The following TIGAR variants were observed in gnomAD, a reference collection of about 807,000 sequenced individuals.
The protein encoded by TIGAR is fructose-2,6-bisphosphatase TIGAR.
A neutral mutation model predicts 17.9 loss-of-function variants in TIGAR; 7 were observed. The ratio of observed to expected loss-of-function variants is 0.39; its 90% CI spans 0.22 to 0.73. The LOEUF (loss-of-function observed/expected upper bound fraction) is 0.73. TIGAR is among the 30% of genes least tolerant of loss of function. The probability of loss-of-function intolerance (pLI) is 0.42; values close to 1 mark genes in which losing one functional copy is unlikely to be tolerated. For synonymous variants in TIGAR, 94 were observed against 108.6 expected, an observed-to-expected ratio of 0.87 and a Z score of 0.84; for missense variants, 258 against 327.4, an observed-to-expected ratio of 0.79 and a Z score of 1.64.
In TIGAR at chr12:4,355,694, C is replaced by G. The variant is rs923519207; in HGVS notation, c.*3003C>G. On this transcript the variant is annotated 3_prime_UTR_variant, in exon 6 of 6. Coordinates refer to ENST00000179259, the MANE Select transcript of TIGAR (RefSeq NM_020375.3). ...CATGAACCAAAACAAAGTCTCTGTC[C>G]TTGTGGAACATTTGTTCTGTCAGAG... Among the ~76,000 whole-genome samples the G allele has an allele frequency of 1.3e-5, 2 of 152,230 alleles. No homozygotes were observed. The highest frequency in any genetic ancestry group is 2.1e-4 in the South Asian group (1 of 4,834).
chr12:4,350,708 C>T (rs566079321), intron 4 of TIGAR, among the ~76,000 whole-genome samples: 61 of 149,622 alleles, frequency 4.1e-4, no homozygotes, highest in East Asian at 1.8e-3. Flanking sequence ...ACCCAGGAGG[C>T]GGAGGTTGCA....
chr12:4,330,861 C>G (rs952258165), intron 1 of TIGAR, among the ~76,000 whole-genome samples: 1 of 152,232 alleles, frequency 6.6e-6, no homozygotes, highest in Non-Finnish European at 1.5e-5. Flanking sequence ...CCATTCCATT[C>G]AGATTCTCTT....
chr12:4,332,493 C>T (rs1010122818), intron 2 of TIGAR, among the ~76,000 whole-genome samples: 2 of 152,168 alleles, frequency 1.3e-5, no homozygotes, highest in African/African-American at 2.4e-5. Flanking sequence ...ATATGCCTGC[C>T]TTAGCATCCC....
chr12:4,352,323 C>T lies in TIGAR; in HGVS notation c.445C>T (p.Gln149Ter). The change falls in exon 6 of 6, where the codon CAA becomes TAA. Residue 149 changes from glutamine (Q) to a stop codon, truncating the protein, a stop_gained. Transcript: ENST00000179259. LOFTEE classifies it low-confidence loss of function (END_TRUNC). ...LCQLILKEADQKEQFSQGSPS... is the reference protein window; with the variant it reads ...LCQLILKEAD ...TCAACTAATCCTGAAAGAAGCGGAT[C>T]AAAAAGAACAGTTTTCCCAAGGATC... The T allele has an allele frequency of 6.2e-7, 1 of 1,613,984 alleles. No homozygotes were observed. The highest frequency in any genetic ancestry group is 1.6e-4 in the Middle Eastern group (1 of 6,062).
intron 3 of TIGAR, among the ~76,000 whole-genome samples, chr12:4,339,442 T>A (rs1864696065): frequency 6.6e-6 from 1 of 152,222 alleles, no homozygotes; most frequent in Non-Finnish European, 1.5e-5. Flanking sequence ...TGGGACCTGA[T>A]GGCTTCACTG....
chr12:4,325,349 C>G (rs1864533872), intron 1 of TIGAR, among the ~76,000 whole-genome samples: 1 of 152,088 alleles, frequency 6.6e-6, no homozygotes, highest in South Asian at 2.1e-4. Flanking sequence ...ATAAAGCAAG[C>G]AAAATACTAT....
rs182406694 is a variant in TIGAR, at chr12:4,322,743, G to A, written c.32+1440G>A. 4.9e-4 allele frequency among the ~76,000 whole-genome samples: 74 copies of A among 152,200 alleles called. 1 individual carries two copies. The highest frequency in any genetic ancestry group is 2.1e-3 in the South Asian group (10 of 4,818). The stretch of plus-strand genomic sequence containing the variant: ...ATAATCTTAAGAATCCTCTAAAATT[G>A]TCTGTTTAGGATTAGCAGGATTTTA... On this transcript the variant is annotated intron_variant, in intron 1 of 5. Coordinates refer to ENST00000179259, the MANE Select transcript of TIGAR (RefSeq NM_020375.3).
rs969106604 is a variant in TIGAR, at chr12:4,355,639, A to G, written c.*2948A>G. Among the ~76,000 whole-genome samples the G allele has an allele frequency of 6.6e-6, 1 of 152,252 alleles. No individual in the cohort carries two copies. Among genetic ancestry groups the G allele is most frequent in the Admixed American group, 6.5e-5 (1 of 15,286 alleles). On this transcript the variant is annotated 3_prime_UTR_variant, in exon 6 of 6. Coordinates refer to ENST00000179259, the MANE Select transcript of TIGAR (RefSeq NM_020375.3). ...ATGCCAGGCTATTTTAAGAACTACT[A>G]CAACTATGATAAAGCTGTGAATATG...
At chr12:4,327,771 G>A (rs547734151) in intron 1 of TIGAR, among the ~76,000 whole-genome samples, 3 of 151,952 alleles carry the variant, frequency 2.0e-5, no homozygotes, top group African/African-American at 4.8e-5. Context: ...GGGTTCAAGC[G>A]ATTCTTCTGC....
intron 3 of TIGAR, among the ~76,000 whole-genome samples, chr12:4,342,805 A>G (rs1864738441): frequency 6.6e-6 from 1 of 152,240 alleles, no homozygotes; most frequent in African/African-American, 2.4e-5. Flanking sequence ...AAGACCATCA[A>G]TGCTAGGAAG....
In TIGAR at chr12:4,357,606, TC is replaced by T. The variant is rs1182719554; in HGVS notation, c.*4916del. Among the ~76,000 whole-genome samples the T allele has an allele frequency of 6.6e-6, 1 of 152,178 alleles. No individual in the cohort carries two copies. The highest frequency in any genetic ancestry group is 1.5e-5 in the Non-Finnish European group (1 of 68,028). On this transcript the variant is annotated 3_prime_UTR_variant, in exon 6 of 6. Coordinates refer to ENST00000179259, the MANE Select transcript of TIGAR (RefSeq NM_020375.3). Reference sequence around the variant, plus strand: ...CCAAACAAGATGGCTAAGTAGGTCGTCATGACAGGTAACTACCAGTGCTTTA... The same window carrying T: ...CCAAACAAGATGGCTAAGTAGGTCGTATGACAGGTAACTACCAGTGCTTTA...
At chr12:4,325,989 G>A (rs892326118) in intron 1 of TIGAR, among the ~76,000 whole-genome samples, 36 of 152,156 alleles carry the variant, frequency 2.4e-4, no homozygotes, top group Admixed American at 2.0e-3. Flanking sequence ...GGGAAATTGA[G>A]GTTTCTGTAT....
At chr12:4,326,364 A>G (rs974941805) in intron 1 of TIGAR, among the ~76,000 whole-genome samples, 1 of 152,242 alleles carries the variant, frequency 6.6e-6, no homozygotes, top group African/African-American at 2.4e-5. Flanking sequence ...CCCATTCCCC[A>G]AACGTACTAA....
intron 3 of TIGAR, among the ~76,000 whole-genome samples, chr12:4,338,989 A>AAAG (rs1864690407): frequency 6.7e-6 from 1 of 150,142 alleles, no homozygotes; most frequent in Non-Finnish European, 1.5e-5. Context: ...AAAAAAAAAA[A>AAAG]AAAAAAAAAG....
intron 2 of TIGAR, among the ~76,000 whole-genome samples, chr12:4,331,541 A>G (rs1211551566): frequency 6.6e-6 from 1 of 152,224 alleles, no homozygotes; most frequent in African/African-American, 2.4e-5. Flanking sequence ...TCTCCAAGTT[A>G]TTCTTTATGT....
rs1246850423 is a variant in TIGAR, at chr12:4,326,232, C to T, written c.32+4929C>T. Among the ~76,000 whole-genome samples, 5 of 152,188 alleles carry T rather than the reference C, an allele frequency of 3.3e-5. No individual in the cohort carries two copies. In the East Asian group the frequency reaches 9.6e-4, roughly 29 times the overall value. ...AAAATGAGTGGTGTTATTCCTGACT[C>T]CTTCAAAATATATCCCTCTGACCTT... is the stretch of plus-strand genomic sequence containing the variant. On this transcript the variant is annotated intron_variant, in intron 1 of 5. Coordinates refer to ENST00000179259, the MANE Select transcript of TIGAR (RefSeq NM_020375.3).
intron 2 of TIGAR, among the ~76,000 whole-genome samples, chr12:4,333,399 C>T (rs971437404): frequency 6.6e-6 from 1 of 151,952 alleles, no homozygotes; most frequent in South Asian, 2.1e-4. Flanking sequence ...AAGCAATTCT[C>T]CTGCCCGAGA....
intron 3 of TIGAR, among the ~76,000 whole-genome samples, chr12:4,340,003 A>G (rs531281351): frequency 1.3e-5 from 2 of 152,358 alleles, no homozygotes; most frequent in South Asian, 4.1e-4. Context: ...TCTAAGATCT[A>G]GAACAAGACA....
chr12:4,351,148 T>G, intron 4 of TIGAR, 119 bp from the exon 5 acceptor site: 2 of 827,982 alleles, frequency 2.4e-6, no homozygotes, highest in East Asian at 2.7e-5. Context: ...ATAGAATCAA[T>G]TAAGTGGAGG....
Sources: allele counts gnomAD v4.1 joint callset (sites outside exome capture counted in the v4.1 genomes callset), GRCh38; gene constraint gnomAD v4.1.1; transcripts MANE v1.5; gene names NCBI Gene and HGNC (gene_info 2026-07-23, HGNC 2026-07-21).